PLXNA4: variants seen among roughly 807,000 people sequenced by gnomAD.
PLXNA4 encodes plexin A4.
A neutral mutation model predicts 191.8 loss-of-function variants in PLXNA4; 44 were observed. The ratio of observed to expected loss-of-function variants is 0.23; its 90% confidence interval spans 0.18 to 0.29. The LOEUF is 0.29. Ranked by LOEUF, PLXNA4 falls within the 10% of genes least tolerant of loss-of-function variation. The pLI is 1.00. For missense variants in PLXNA4, 1,800 were observed against 2,488.8 expected, an observed-to-expected ratio of 0.72 and a Z score of 5.89; for synonymous variants, 1,082 against 1,009.5, an observed-to-expected ratio of 1.07 and a Z score of -1.36.
intron 3 of PLXNA4, among the ~76,000 whole-genome samples, chr7:132,425,416 G>T (rs1795005568): frequency 6.6e-6 from 1 of 152,148 alleles, no homozygotes; most frequent in Non-Finnish European, 1.5e-5. Context: ...TATGACCTTG[G>T]TGGGAAAGGG....
chr7:132,171,266 A>G (rs917568284), intron 21 of PLXNA4, among the ~76,000 whole-genome samples: 9 of 152,234 alleles, frequency 5.9e-5, no homozygotes, highest in African/African-American at 2.2e-4. Flanking sequence ...CCTTCTAATG[A>G]TCTTGCAAAA....
intron 1 of PLXNA4, among the ~76,000 whole-genome samples, chr7:132,521,108 C>T (rs1799160301): frequency 6.7e-6 from 1 of 149,624 alleles, no homozygotes; most frequent in African/African-American, 2.5e-5. Flanking sequence ...CATATTTCAG[C>T]TGTGTGCTGA....
chr7:132,290,201 G>A (rs1202582782), intron 4 of PLXNA4, among the ~76,000 whole-genome samples: 1 of 152,218 alleles, frequency 6.6e-6, no homozygotes, highest in Admixed American at 6.5e-5. Context: ...AGATGGCTTT[G>A]GTCCAAACAT....
intron 4 of PLXNA4, among the ~76,000 whole-genome samples, chr7:132,288,548 C>T (rs1291579636): frequency 2.0e-5 from 3 of 152,198 alleles, no homozygotes; most frequent in African/African-American, 7.2e-5. Flanking sequence ...GTCACTCATT[C>T]CTCAGCCCTG....
rs1252944857 is a variant in PLXNA4 at position 132,123,702 on chromosome 7, G to A, written c.*6777C>T. 1 of 152,158 alleles carries A rather than the reference G, an allele frequency of 6.6e-6. No individual in the cohort carries two copies. Among genetic ancestry groups the A allele is most frequent in the Non-Finnish European group, 1.5e-5 (1 of 68,042 alleles). The allele number at this position is 152,158 out of a possible 1,614,324, so 9.4% of individuals were successfully genotyped here. ...AACAAAGGGTCAATGTTCGAGGTGG[G>A]AGCTTTAGTTTGAAACAGAAGTGGG... On this transcript the variant is annotated 3_prime_UTR_variant, in exon 32 of 32. Transcript: ENST00000321063.
chr7:132,327,441 A>G (rs1332264723), intron 3 of PLXNA4, among the ~76,000 whole-genome samples: 1 of 152,222 alleles, frequency 6.6e-6, no homozygotes, highest in East Asian at 1.9e-4. Context: ...ATAAAATCAT[A>G]TAACATATGG....
chr7:132,429,056 A>G (rs1395532954), intron 3 of PLXNA4, among the ~76,000 whole-genome samples: 2 of 152,126 alleles, frequency 1.3e-5, no homozygotes, highest in Non-Finnish European at 2.9e-5. Flanking sequence ...GACGGCTCAG[A>G]AAGTCCTCAT....
intron 4 of PLXNA4, among the ~76,000 whole-genome samples, chr7:132,282,706 T>C (rs999941009): frequency 1.5e-5 from 2 of 131,338 alleles, no homozygotes; most frequent in African/African-American, 5.7e-5. Context: ...CATCGGAGAG[T>C]GTTCCTTCTT....
At chr7:132,171,312 T>G (rs1364226015) in intron 21 of PLXNA4, among the ~76,000 whole-genome samples, 1 of 152,268 alleles carries the variant, frequency 6.6e-6, no homozygotes, top group East Asian at 1.9e-4. Context: ...CTATTGCAGC[T>G]ATTCCAAGGC....
At chr7:132,588,746 A>AG (rs1802552195) in intron 2 of PLXNA4, among the ~76,000 whole-genome samples, 3 of 150,178 alleles carry the variant, frequency 2.0e-5, no homozygotes, top group Admixed American at 6.6e-5. Flanking sequence ...AAAAGAAAGA[A>AG]AGAGAGAAAG....
intron 3 of PLXNA4, among the ~76,000 whole-genome samples, chr7:132,487,718 A>C (rs1389904090): frequency 6.6e-6 from 1 of 152,196 alleles, no homozygotes; most frequent in Non-Finnish European, 1.5e-5. Flanking sequence ...GGCCAAGTGC[A>C]TGAGAGGAAG....
intron 1 of PLXNA4, among the ~76,000 whole-genome samples, chr7:132,534,472 TG>T (rs1212305882): frequency 1.3e-5 from 2 of 152,152 alleles, no homozygotes; most frequent in Non-Finnish European, 2.9e-5. Flanking sequence ...CTAAGCCTGA[TG>T]CAGAGACCGA....
rs752384986 is a variant in PLXNA4, at chr7:132,145,239, G to A, written c.5105C>T (p.Thr1702Met). Residue 1702 changes from threonine to methionine, a missense_variant, in exon 29 of 32, where the codon ACG (threonine) becomes ATG (methionine). Physicochemically the swap from Thr to Met is moderately conservative, Grantham distance 81 (BLOSUM62 -1). Coordinates refer to ENST00000321063, the MANE Select transcript of PLXNA4 (RefSeq NM_020911.2). ...GGGCAGGGCAGAGCCACGGTGTGCC[G>A]TGCTGAAGATGGTCTCAAAGAGGTC... ...VDDLFETIFS[T>M]AHRGSALPLA... is the part of the protein sequence containing the mutation. The A allele has an allele frequency of 5.0e-6, 8 of 1,614,110 alleles. No homozygotes were observed. The highest frequency in any genetic ancestry group is 2.2e-5 in the South Asian group (2 of 91,090).
chr7:132,270,074 A>G (rs1800007618), intron 4 of PLXNA4, among the ~76,000 whole-genome samples: 3 of 152,248 alleles, frequency 2.0e-5, no homozygotes, highest in South Asian at 2.1e-4. Context: ...TTACTTGGAG[A>G]GAAACCACTA....
intron 2 of PLXNA4, among the ~76,000 whole-genome samples, chr7:132,643,388 C>T (rs1249735559): frequency 6.6e-6 from 1 of 152,042 alleles, no homozygotes; most frequent in Non-Finnish European, 1.5e-5. Flanking sequence ...TAATTCCAGC[C>T]GCCAGGTGTG....
intron 25 of PLXNA4, among the ~76,000 whole-genome samples, chr7:132,150,454 G>C (rs891076184): frequency 1.3e-5 from 2 of 152,154 alleles, no homozygotes; most frequent in Admixed American, 6.5e-5. Flanking sequence ...TCCCCCACTT[G>C]CATGGTGAGT....
intron 31 of PLXNA4, 150 bp from the exon 32 acceptor site, chr7:132,130,724 A>G: frequency 1.7e-6 from 2 of 1,187,968 alleles, no homozygotes; most frequent in Non-Finnish European, 2.3e-6. Flanking sequence ...GTAGGAGGAG[A>G]CCTGGGGAGC....
chr7:132,477,276 G>A (rs1386840120), intron 3 of PLXNA4, among the ~76,000 whole-genome samples: 2 of 152,126 alleles, frequency 1.3e-5, no homozygotes, highest in Non-Finnish European at 2.9e-5. Flanking sequence ...CCCTCCCCAG[G>A]CTCCAGGCAG....
At chr7:132,497,008 GGAAGCCCAT>G (rs1285830669) in intron 2 of PLXNA4, among the ~76,000 whole-genome samples, 2 of 152,068 alleles carry the variant, frequency 1.3e-5, no homozygotes, top group Non-Finnish European at 1.5e-5. Context: ...AAAAGGGAAG[GGAAGCCCAT>G]GAGCTGCCTA....
Sources: gnomAD v4.1 joint callset for allele counts (sites outside exome capture counted in the v4.1 genomes callset) on GRCh38, gnomAD v4.1.1 for gene constraint, MANE v1.5 for transcripts, NCBI Gene and HGNC (gene_info 2026-07-23, HGNC 2026-07-21) for gene names.